MYO7A: variants seen among roughly 807,000 people sequenced by gnomAD.
MYO7A encodes the protein myosin VIIA.
A neutral mutation model predicts 263.8 loss-of-function variants in MYO7A; 210 were observed. That is an observed-to-expected ratio of 0.80 (90% CI 0.71 to 0.89). The LOEUF (loss-of-function observed/expected upper bound fraction) is 0.89. Ranked by LOEUF, MYO7A falls within the 40% of genes least tolerant of loss-of-function variation. MYO7A has a pLI of 0.00. For synonymous variants in MYO7A, 1,239 were observed against 1,197.3 expected (o/e 1.03, Z -0.72); for missense variants, 2,820 against 2,968.3 (o/e 0.95, Z 1.16).
intron 37 of MYO7A, 44 bp from the exon 38 acceptor site, chr11:77,203,016 C>T: frequency 6.5e-7 from 1 of 1,538,844 alleles, no homozygotes; most frequent in Non-Finnish European, 8.8e-7. Flanking sequence ...CTCCCCGGGG[C>T]TGCCAGCGAT....
At position 77,162,192 on chromosome 11, in the gene MYO7A, G is replaced by T. The variant is rs1555069394; in HGVS notation, c.1416G>T (p.Leu472=). ...TCTTTGTGCGGCACGTGTTCAAGCTGGAGCAGGAGGAATATGACCTGGAGA... is the reference window on the plus strand; with the variant it reads ...TCTTTGTGCGGCACGTGTTCAAGCTTGAGCAGGAGGAATATGACCTGGAGA... ...QQFFVRHVFK[L]EQEEYDLESI... The change falls in exon 13 of 49, where the codon CTG becomes CTT. Residue 472 remains leucine (L), a synonymous_variant. Transcript: ENST00000409709. The T allele has an allele frequency of 1.3e-6, 2 of 1,596,736 alleles. No homozygotes were observed. The highest frequency in any genetic ancestry group is 3.5e-5 in the Admixed American group (2 of 57,714).
rs1958059423 is a variant in MYO7A at position 77,215,068 on chromosome 11, C to T, written c.*372C>T. The T allele has an allele frequency of 8.5e-6, 2 of 234,416 alleles. No individual in the cohort carries two copies. Among genetic ancestry groups the T allele is most frequent in the Non-Finnish European group, 1.7e-5 (2 of 119,672 alleles). 14.5% of individuals were successfully genotyped at this position (234,416 alleles called of 1,614,324 possible). On this transcript the variant is annotated 3_prime_UTR_variant, in exon 49 of 49. Coordinates refer to ENST00000409709, the MANE Select transcript of MYO7A (RefSeq NM_000260.4). ...GAGGAATCAAGAGGACAATCTAGCTCTCCATACTTTGAACAACCAAATGTG... is the reference window on the plus strand; with the variant it reads ...GAGGAATCAAGAGGACAATCTAGCTTTCCATACTTTGAACAACCAAATGTG...
chr11:77,155,767 TG>T, intron 4 of MYO7A, 139 bp from the exon 5 acceptor site: 1 of 901,260 alleles, frequency 1.1e-6, no homozygotes, highest in Non-Finnish European at 1.6e-6. Flanking sequence ...GGCCCGATTC[TG>T]GCTCCAGGTC....
At chr11:77,147,752 C>A (rs1555054481) in intron 3 of MYO7A, 46 bp from the exon 4 acceptor site, 3 of 1,597,040 alleles carry the variant, frequency 1.9e-6, no homozygotes, top group Non-Finnish European at 1.7e-6. Context: ...CTGAAGTGCG[C>A]AGCCTGGGCC....
At chr11:77,140,926 G>A (rs1369847662) in intron 2 of MYO7A, among the ~76,000 whole-genome samples, 1 of 152,198 alleles carries the variant, frequency 6.6e-6, no homozygotes, top group African/African-American at 2.4e-5. Flanking sequence ...GGCAGCTGTG[G>A]CTGGAAAATA....
intron 9 of MYO7A, among the ~76,000 whole-genome samples, chr11:77,158,884 C>A (rs1267910061): frequency 6.6e-6 from 1 of 152,122 alleles, no homozygotes; most frequent in Non-Finnish European, 1.5e-5. Context: ...GGAGGTGATC[C>A]CCTGAGGCAG....
intron 2 of MYO7A, among the ~76,000 whole-genome samples, chr11:77,132,918 A>G (rs1950807728): frequency 6.6e-6 from 1 of 152,248 alleles, no homozygotes; most frequent in Non-Finnish European, 1.5e-5. Flanking sequence ...GTGGAACTGC[A>G]GAGCGGGTCG....
Position 77,207,312 on chromosome 11 carries a change from C to T in MYO7A, c.5766C>T (p.Thr1922=), listed in dbSNP as rs1469396594. 1.2e-6 allele frequency: 2 copies of T among 1,611,930 alleles called. No homozygotes were observed. The highest frequency in any genetic ancestry group is 1.1e-5 in the South Asian group (1 of 90,458). ...TDEAFEVESS[T]KAKDFCQNIA... is the part of the protein sequence containing the mutation. Reference sequence around the variant, plus strand: ...AGGCCTTCGAAGTGGAGTCCAGCACCAAGGCCAAGGACTTCTGCCAGAACA... The same window carrying T: ...AGGCCTTCGAAGTGGAGTCCAGCACTAAGGCCAAGGACTTCTGCCAGAACA... The change falls in exon 42 of 49, where the codon ACC becomes ACT. Residue 1922 remains threonine (T), a synonymous_variant. Transcript: ENST00000409709.
chr11:77,200,600 C>T (rs1387583611), intron 35 of MYO7A, among the ~76,000 whole-genome samples: 1 of 152,224 alleles, frequency 6.6e-6, no homozygotes, highest in Non-Finnish European at 1.5e-5. Flanking sequence ...ATATCTAAAC[C>T]ATATCACAGA....
chr11:77,157,390 A>G lies in MYO7A; in HGVS notation c.847A>G (p.Met283Val), dbSNP rs2135245770. 2 of 1,602,720 alleles carry G rather than the reference A, an allele frequency of 1.2e-6. No homozygotes were observed. Among genetic ancestry groups the G allele is most frequent in the Middle Eastern group, 1.7e-4 (1 of 5,966 alleles). The change falls in exon 8 of 49, where the codon ATG (methionine) becomes GTG (valine). Residue 283 changes from methionine to valine, a missense_variant and splice_region_variant. By Grantham distance (21) the Met-to-Val change is conservative (BLOSUM62 1). Coordinates refer to ENST00000409709, the MANE Select transcript of MYO7A (RefSeq NM_000260.4). ...GGCCTCTGACTACAACTACTTGGCC[A>G]TGGTGAGGCCCAGGTGGGCCCCTGG... ...GQASDYNYLA[M>V]GNCITCEGRV...
At chr11:77,164,411 T>A (rs1205312992) in intron 14 of MYO7A, among the ~76,000 whole-genome samples, 2 of 152,098 alleles carry the variant, frequency 1.3e-5, no homozygotes, top group South Asian at 4.2e-4. Context: ...AAATTAAAAA[T>A]TAATTTTTTT....
At chr11:77,207,175 GA>G in intron 41 of MYO7A, 113 bp from the exon 42 acceptor site, 1 of 664,922 alleles carries the variant, frequency 1.5e-6, no homozygotes, top group South Asian at 1.9e-5. Context: ...GTGCCCACAG[GA>G]GGGTGTCTGG....
chr11:77,146,652 G>A (rs1020406091), intron 3 of MYO7A, among the ~76,000 whole-genome samples: 6 of 152,248 alleles, frequency 3.9e-5, no homozygotes, highest in Non-Finnish European at 7.4e-5. Flanking sequence ...GGAGGAGCAG[G>A]TGGGGGAGGA....
intron 19 of MYO7A, among the ~76,000 whole-genome samples, 159 bp downstream of exon 19, chr11:77,177,802 AAC>A (rs1247025815): frequency 2.0e-5 from 3 of 152,148 alleles, no homozygotes; most frequent in Non-Finnish European, 4.4e-5. Context: ...TGATCATGTA[AAC>A]ACAGAGGAAC....
At chr11:77,163,110 A>G (rs532524862) in intron 14 of MYO7A, 122 bp downstream of exon 14, 52 of 1,052,348 alleles carry the variant, frequency 4.9e-5, no homozygotes, top group Admixed American at 4.7e-4. Context: ...ATTCATATAT[A>G]TATATATATG....
chr11:77,177,687 G>A, intron 19 of MYO7A, 44 bp downstream of exon 19: 2 of 1,503,096 alleles, frequency 1.3e-6, no homozygotes, highest in Non-Finnish European at 1.8e-6. Context: ...CCCACATACA[G>A]GTGTACGTGT....
intron 22 of MYO7A, 62 bp from the exon 23 acceptor site, chr11:77,181,318 T>G: frequency 6.9e-7 from 1 of 1,446,880 alleles, no homozygotes; most frequent in Non-Finnish European, 9.2e-7. Flanking sequence ...GGAGAGCTTG[T>G]TCCCTGAGGC....
In MYO7A at chr11:77,160,293, G is replaced by A; in HGVS notation, c.1200+11G>A. 1 of 1,553,462 alleles carries A rather than the reference G, an allele frequency of 6.4e-7. No individual in the cohort carries two copies. The highest frequency in any genetic ancestry group is 8.7e-7 in the Non-Finnish European group (1 of 1,149,510). On this transcript the variant is annotated intron_variant, in intron 11 of 48. Coordinates refer to ENST00000409709, the MANE Select transcript of MYO7A (RefSeq NM_000260.4). Reference sequence around the variant, plus strand: ...GACGCCTTCGTAAAGGTGGGCTGGAGGGAAGGGGCCGCTTGCTCGCCCTAC... The same window carrying A: ...GACGCCTTCGTAAAGGTGGGCTGGAAGGAAGGGGCCGCTTGCTCGCCCTAC...
At chr11:77,192,861 A>G (rs1956202608) in intron 31 of MYO7A, among the ~76,000 whole-genome samples, 9 of 146,816 alleles carry the variant, frequency 6.1e-5, no homozygotes, top group South Asian at 2.1e-4. Flanking sequence ...TGGTGTTGGT[A>G]ATGATGATGG....
Sources: allele counts gnomAD v4.1 joint callset (sites outside exome capture counted in the v4.1 genomes callset), GRCh38; gene constraint gnomAD v4.1.1; transcripts MANE v1.5; gene names NCBI Gene and HGNC (gene_info 2026-07-23, HGNC 2026-07-21).